CYS1: variants seen among roughly 807,000 people sequenced by gnomAD.
The protein encoded by CYS1 is cystin 1.
CYS1 carries 5 observed loss-of-function variants against 9.6 expected under a neutral mutation model. The ratio of observed to expected loss-of-function variants is 0.52; its 90% CI spans 0.27 to 1.10. The LOEUF (loss-of-function observed/expected upper bound fraction) is 1.10, where lower values mean the gene tolerates loss of function less well. CYS1 is among the 50% of genes least tolerant of loss of function. The pLI is 0.11. For synonymous variants in CYS1, 88 were observed against 95.7 expected (o/e 0.92, Z 0.47); for missense variants, 221 against 207.9 (o/e 1.06, Z -0.39).
rs1661584199 is a variant in CYS1, at chr2:10,058,715, T to C, written c.*138A>G. 4.1e-6 allele frequency: 3 copies of C among 728,756 alleles called. No homozygotes were observed. The highest frequency in any genetic ancestry group is 1.8e-5 in the African/African-American group (1 of 57,058). 45.1% of individuals were successfully genotyped at this position (728,756 alleles called of 1,614,324 possible). A position where few individuals can be genotyped will look rare whatever the true frequency, so the allele number is the denominator to read the frequency against. On this transcript the variant is annotated 3_prime_UTR_variant, in exon 3 of 3. Transcript: ENST00000381813. ...CAGGTCAGCGCGGTCTGAAAGTGGA[T>C]TTGAAAGGGCAGCTTTGAATATCCG... is the stretch of plus-strand genomic sequence containing the variant.
intron 1 of CYS1, among the ~76,000 whole-genome samples, chr2:10,068,901 A>C (rs1318663553): frequency 6.6e-6 from 1 of 152,012 alleles, no homozygotes; most frequent in African/African-American, 2.4e-5. Flanking sequence ...ATCTCTACTA[A>C]AAACACAAAA....
rs1661571804 is a variant in CYS1 at position 10,057,817 on chromosome 2, T to A, written c.*1036A>T. The A allele has an allele frequency of 6.6e-6, 1 of 151,742 alleles. No homozygotes were observed. The highest frequency in any genetic ancestry group is 2.4e-5 in the African/African-American group (1 of 41,172). The allele number at this position is 151,742 out of a possible 1,614,324, so 9.4% of individuals were successfully genotyped here. ...CCAGACCTGCCCGCCCACACAGGAG[T>A]CCCCTCTAGCCGGAGCTCCGCCCCC... On this transcript the variant is annotated 3_prime_UTR_variant, in exon 3 of 3. Transcript: ENST00000381813.
At chr2:10,060,009 G>A (rs1025032096) in intron 2 of CYS1, among the ~76,000 whole-genome samples, 2 of 152,286 alleles carry the variant, frequency 1.3e-5, no homozygotes, top group African/African-American at 4.8e-5. Flanking sequence ...ACCTGCCACG[G>A]TTGTGTCGAA....
At chr2:10,067,409 T>TTC (rs1553316157) in intron 1 of CYS1, among the ~76,000 whole-genome samples, 6 of 144,112 alleles carry the variant, frequency 4.2e-5, no homozygotes, top group African/African-American at 1.3e-4. Context: ...TTCTTTTCTT[T>TTC]TTTTTTTTTT....
chr2:10,079,602 G>A (rs1377111627), intron 1 of CYS1, among the ~76,000 whole-genome samples: 1 of 151,900 alleles, frequency 6.6e-6, no homozygotes, highest in Non-Finnish European at 1.5e-5. Flanking sequence ...AGGGCGGCCC[G>A]GGAAGGCCAG....
intron 1 of CYS1, among the ~76,000 whole-genome samples, chr2:10,067,803 T>C (rs985347248): frequency 6.6e-6 from 1 of 152,240 alleles, no homozygotes; most frequent in Admixed American, 6.5e-5. Context: ...TTATTTCCCA[T>C]TCACATGATC....
intron 2 of CYS1, among the ~76,000 whole-genome samples, chr2:10,061,470 G>A (rs1661625709): frequency 6.6e-6 from 1 of 152,192 alleles, no homozygotes; most frequent in African/African-American, 2.4e-5. Flanking sequence ...TTCTGGACCT[G>A]GGGACCCCCA....
intron 1 of CYS1, among the ~76,000 whole-genome samples, chr2:10,068,945 CCA>C (rs1661730234): frequency 6.6e-6 from 1 of 152,082 alleles, no homozygotes; most frequent in African/African-American, 2.4e-5. Context: ...ACCTCTAATC[CCA>C]GCTACTGGGG....
At chr2:10,070,989 C>T (rs556746158) in intron 1 of CYS1, among the ~76,000 whole-genome samples, 6 of 151,526 alleles carry the variant, frequency 4.0e-5, no homozygotes, top group East Asian at 2.0e-4. Flanking sequence ...TGTTTTGAGA[C>T]GGAGTCTCGC....
At chr2:10,068,032 TTG>T (rs143456195) in intron 1 of CYS1, among the ~76,000 whole-genome samples, 17,767 of 152,182 alleles carry the variant, frequency 0.12, 1,078 homozygotes, top group Middle Eastern at 0.24. Flanking sequence ...TATCAGGTCC[TTG>T]TCTCTCTATG....
Position 10,079,909 on chromosome 2 carries a change from G to A in CYS1, c.315C>T (p.Ser105=). Residue 105 remains serine (S), a synonymous_variant, in exon 1 of 3, where the codon AGC becomes AGT. Coordinates refer to ENST00000381813, the MANE Select transcript of CYS1 (RefSeq NM_001037160.3). ...ARLRPTAVAG[S]AVCAEQSTEG... ...GCCCTGCGGCTCCCACACTCACCGC[G>A]CTCCCCGCGACCGCGGTGGGTCGGA... 1 of 1,113,814 alleles carries A rather than the reference G, an allele frequency of 9.0e-7. No individual in the cohort carries two copies. Among genetic ancestry groups the A allele is most frequent in the East Asian group, 4.9e-5 (1 of 20,290 alleles). The allele number at this position is 1,113,814 out of a possible 1,614,324, so 69.0% of individuals were successfully genotyped here.
chr2:10,079,188 C>G (rs771859975), intron 1 of CYS1, among the ~76,000 whole-genome samples: 10 of 152,108 alleles, frequency 6.6e-5, no homozygotes, highest in Admixed American at 1.3e-4. Flanking sequence ...GGGGCCTTTT[C>G]AGGATTCCTT....
chr2:10,070,123 G>A (rs140481477), intron 1 of CYS1, among the ~76,000 whole-genome samples: 13 of 152,242 alleles, frequency 8.5e-5, no homozygotes, highest in South Asian at 4.1e-4. Flanking sequence ...CACTGTGAAC[G>A]CTCAGCAGGT....
At chr2:10,059,363 C>A (rs1298024621) in intron 2 of CYS1, among the ~76,000 whole-genome samples, 1 of 152,240 alleles carries the variant, frequency 6.6e-6, no homozygotes, top group African/African-American at 2.4e-5. Context: ...AATGCATGGG[C>A]AGCATGTGAT....
chr2:10,058,949 G>A lies in CYS1; in HGVS notation c.381C>T (p.Gly127=). 1 of 1,584,984 alleles carries A rather than the reference G, an allele frequency of 6.3e-7. No individual in the cohort carries two copies. Among genetic ancestry groups the A allele is most frequent in the Non-Finnish European group, 8.6e-7 (1 of 1,166,156 alleles). The change falls in exon 3 of 3, where the codon GGC becomes GGT. Residue 127 remains glycine, a synonymous_variant. Transcript: ENST00000381813. The part of the protein sequence containing the change: ...PGSGNVSEAP[G]SGRKKPERPA... Reference sequence around the variant, plus strand: ...GCCTCTCGGGCTTCTTGCGACCGCTGCCTGGGGCTCTGTGGGTCAGAAATG... The same window carrying A: ...GCCTCTCGGGCTTCTTGCGACCGCTACCTGGGGCTCTGTGGGTCAGAAATG...
At chr2:10,069,922 G>A (rs1293275724) in intron 1 of CYS1, among the ~76,000 whole-genome samples, 1 of 152,210 alleles carries the variant, frequency 6.6e-6, no homozygotes, top group Non-Finnish European at 1.5e-5. Context: ...CTAAAGGGAG[G>A]TGGGTTGTGT....
chr2:10,065,363 A>G (rs1320985594), intron 2 of CYS1, among the ~76,000 whole-genome samples: 1 of 152,154 alleles, frequency 6.6e-6, no homozygotes, highest in East Asian at 1.9e-4. Context: ...CAAGGGGGTG[A>G]CCGGCCTGGG....
At chr2:10,059,118 C>T (rs1476547016) in intron 2 of CYS1, among the ~76,000 whole-genome samples, 160 bp from the exon 3 acceptor site, 1 of 152,244 alleles carries the variant, frequency 6.6e-6, no homozygotes, top group East Asian at 1.9e-4. Flanking sequence ...AGCACATATC[C>T]ACCAGCAGGC....
intron 1 of CYS1, among the ~76,000 whole-genome samples, chr2:10,078,819 G>A (rs12622986): frequency 0.19 from 29,330 of 152,144 alleles, 2,984 homozygotes; most frequent in African/African-American, 0.25. Context: ...GACTTAAAGA[G>A]CGAGCAGTCA....
Sources: allele counts gnomAD v4.1 joint callset (sites outside exome capture counted in the v4.1 genomes callset), GRCh38; gene constraint gnomAD v4.1.1; transcripts MANE v1.5; gene names NCBI Gene and HGNC (gene_info 2026-07-23, HGNC 2026-07-21).